Variants in ABHD14A observed in about 807,000 individuals in gnomAD.
The protein encoded by ABHD14A is abhydrolase domain containing 14A, also known as protein ABHD14A.
In ABHD14A, 19 loss-of-function variants were observed where a neutral mutation model predicts 27.0. That is an observed-to-expected ratio of 0.70 (90% confidence interval 0.49 to 1.03). The LOEUF (loss-of-function observed/expected upper bound fraction) is 1.03. ABHD14A is among the 50% of genes least tolerant of loss of function. The pLI is 0.00. For missense variants in ABHD14A, 311 were observed against 344.6 expected, an observed-to-expected ratio of 0.90 and a Z score of 0.77; for synonymous variants, 148 against 158.8, an observed-to-expected ratio of 0.93 and a Z score of 0.51.
Position 51,981,049 on chromosome 3 carries a change from T to A in ABHD14A, c.*31T>A. On this transcript the variant is annotated 3_prime_UTR_variant, in exon 5 of 5. Transcript: ENST00000273596. ...CCCACTCCCAGCTCCCAGCCTGGCATGAGCTTGGACAGTCTGGACCGCCAC... is the reference window on the plus strand; with the variant it reads ...CCCACTCCCAGCTCCCAGCCTGGCAAGAGCTTGGACAGTCTGGACCGCCAC... 1 of 1,597,512 alleles carries A rather than the reference T, an allele frequency of 6.3e-7. No homozygotes were observed. Among genetic ancestry groups the A allele is most frequent in the Non-Finnish European group, 8.6e-7 (1 of 1,166,918 alleles).
In ABHD14A at chr3:51,981,121, C is replaced by T; in HGVS notation, c.*103C>T. On this transcript the variant is annotated 3_prime_UTR_variant, in exon 5 of 5. Transcript: ENST00000273596. ...GCCTCTGGGATTGGAGGCCAGAGGCCAGGGTCAGACCCAGCCAGGACTCCT... is the reference window on the plus strand; with the variant it reads ...GCCTCTGGGATTGGAGGCCAGAGGCTAGGGTCAGACCCAGCCAGGACTCCT... 3 of 1,300,076 alleles carry T rather than the reference C, an allele frequency of 2.3e-6. No homozygotes were observed. The highest frequency in any genetic ancestry group is 3.2e-6 in the Non-Finnish European group (3 of 930,892). 80.5% of individuals were successfully genotyped at this position (1,300,076 alleles called of 1,614,324 possible). A position where few individuals can be genotyped will look rare whatever the true frequency, so the allele number is the denominator to read the frequency against.
chr3:51,978,094 T>C lies in ABHD14A; in HGVS notation c.281+12T>C, dbSNP rs1225247198. On this transcript the variant is annotated intron_variant, in intron 2 of 4. Coordinates refer to ENST00000273596, the MANE Select transcript of ABHD14A (RefSeq NM_015407.5). ...AACCAGGCACACAGGTAGGTGCTGC[T>C]CCAAGGGTCTAGTGGAGGGACTAGG... is the stretch of plus-strand genomic sequence containing the variant. 6.2e-7 allele frequency: 1 copy of C among 1,610,990 alleles called. No individual in the cohort carries two copies. The highest frequency in any genetic ancestry group is 2.2e-5 in the East Asian group (1 of 44,698).
intron 1 of ABHD14A, 73 bp downstream of exon 1, chr3:51,975,277 G>A (rs1396314903): frequency 1.6e-6 from 2 of 1,216,920 alleles, no homozygotes; most frequent in Non-Finnish European, 2.1e-6. Context: ...CCTTGCCCCG[G>A]CGCCCCGGGG....
At chr3:51,975,227 G>A in intron 1 of ABHD14A, 23 bp downstream of exon 1, 2 of 1,250,626 alleles carry the variant, frequency 1.6e-6, no homozygotes, top group Non-Finnish European at 2.0e-6. Flanking sequence ...GGGGAGGGAG[G>A]CCGGCCGGTG....
At chr3:51,980,318 T>C in intron 3 of ABHD14A, 75 bp from the exon 4 acceptor site, 1 of 1,411,612 alleles carries the variant, frequency 7.1e-7, no homozygotes, top group African/African-American at 1.4e-5. Context: ...CCCAACTTTT[T>C]CCCCCACTGT....
At chr3:51,976,653 C>A (rs1352410730) in intron 1 of ABHD14A, among the ~76,000 whole-genome samples, 1 of 152,078 alleles carries the variant, frequency 6.6e-6, no homozygotes, top group Non-Finnish European at 1.5e-5. Context: ...CTAGCCTGGG[C>A]GACAGAGCAA....
chr3:51,975,172 G>GGCGGGGC lies in ABHD14A; in HGVS notation c.38_44dup (p.Pro17GlyfsTer43), dbSNP rs1333799682. 5 of 1,280,562 alleles carry GGCGGGGC rather than the reference G, an allele frequency of 3.9e-6. No homozygotes were observed. The highest frequency in any genetic ancestry group is 4.9e-6 in the Non-Finnish European group (5 of 1,013,348). 79.3% of individuals were successfully genotyped at this position (1,280,562 alleles called of 1,614,324 possible). ...GCTGTGCGGCTGCTGGTTCCGCCTG[G>GGCGGGGC]GCGGGGCCCGCCCGCTCATCCCGTT... On this transcript the variant is annotated frameshift_variant, in exon 1 of 5. Transcript: ENST00000273596. LOFTEE classifies it high-confidence loss of function.
At chr3:51,980,080 G>A (rs112736596) in intron 3 of ABHD14A, among the ~76,000 whole-genome samples, 3,992 of 152,038 alleles carry the variant, frequency 0.026, 178 homozygotes, top group African/African-American at 0.089. Flanking sequence ...CCGCCACCTC[G>A]CCTGGCTAAT....
At chr3:51,978,489 A>T (rs914359378) in intron 3 of ABHD14A, 115 bp downstream of exon 3, 1 of 651,896 alleles carries the variant, frequency 1.5e-6, no homozygotes, top group Non-Finnish European at 2.5e-6. Flanking sequence ...ACCATGAAAA[A>T]GTCTGTGTTT....
chr3:51,978,136 G>C (rs1230031187), intron 2 of ABHD14A, 54 bp downstream of exon 2: 3 of 1,565,620 alleles, frequency 1.9e-6, no homozygotes, highest in African/African-American at 2.7e-5. Flanking sequence ...GGGAGTCCCT[G>C]TGTGGGACCC....
chr3:51,978,184 T>C, intron 2 of ABHD14A, 75 bp from the exon 3 acceptor site: 1 of 1,529,724 alleles, frequency 6.5e-7, no homozygotes, highest in Non-Finnish European at 8.9e-7. Flanking sequence ...GGGAGGGCAA[T>C]GGGAGAAGCC....
In ABHD14A at chr3:51,980,448, G is replaced by A. The variant is rs375269081; in HGVS notation, c.453G>A (p.Ala151=). 102 of 1,613,346 alleles carry A rather than the reference G, an allele frequency of 6.3e-5. No individual in the cohort carries two copies. Among genetic ancestry groups the A allele is most frequent in the Non-Finnish European group, 8.0e-5 (94 of 1,180,026 alleles). ...KEASTEAGRA[A]LLERALRDLE... Reference sequence around the variant, plus strand: ...CAAGCACAGAGGCAGGGCGGGCAGCGCTGCTGGAGCGGGCGCTGCGGGACC... The same window carrying A: ...CAAGCACAGAGGCAGGGCGGGCAGCACTGCTGGAGCGGGCGCTGCGGGACC... The change falls in exon 4 of 5, where the codon GCG becomes GCA. Residue 151 remains alanine (A), a synonymous_variant. Coordinates refer to ENST00000273596, the MANE Select transcript of ABHD14A (RefSeq NM_015407.5).
Position 51,975,167 on chromosome 3 carries a change from G to A in ABHD14A, c.32G>A (p.Arg11His), listed in dbSNP as rs767218637. The A allele has an allele frequency of 1.6e-6, 2 of 1,283,032 alleles. No individual in the cohort carries two copies. The highest frequency in any genetic ancestry group is 2.5e-5 in the South Asian group (1 of 40,452). 79.5% of individuals were successfully genotyped at this position (1,283,032 alleles called of 1,614,324 possible). The change falls in exon 1 of 5, where the codon CGC becomes CAC. Residue 11 changes from arginine to histidine, a missense_variant. Physicochemically the swap from Arg to His is conservative, Grantham distance 29. Coordinates refer to ENST00000273596, the MANE Select transcript of ABHD14A (RefSeq NM_015407.5). ...GGGGCGCTGTGCGGCTGCTGGTTCC[G>A]CCTGGGCGGGGCCCGCCCGCTCATC... is the stretch of plus-strand genomic sequence containing the variant. MVGALCGCWF[R>H]LGGARPLIPL...
At chr3:51,978,420 G>A in intron 3 of ABHD14A, 46 bp downstream of exon 3, 1 of 1,473,006 alleles carries the variant, frequency 6.8e-7, no homozygotes, top group Non-Finnish European at 9.3e-7. Context: ...AAGTGTGGCT[G>A]GGAGGCAACT....
chr3:51,975,172 G>C lies in ABHD14A; in HGVS notation c.37G>C (p.Gly13Arg), dbSNP rs943727778. Reference sequence around the variant, plus strand: ...GCTGTGCGGCTGCTGGTTCCGCCTGGGCGGGGCCCGCCCGCTCATCCCGTT... The same window carrying C: ...GCTGTGCGGCTGCTGGTTCCGCCTGCGCGGGGCCCGCCCGCTCATCCCGTT... ...GALCGCWFRL[G>R]GARPLIPLGP... Residue 13 changes from glycine to arginine, a missense_variant, in exon 1 of 5, where the codon GGC (glycine) becomes CGC (arginine). Gly to Arg is a moderately radical substitution (Grantham distance 125, BLOSUM62 -2). Transcript: ENST00000273596. 2 of 1,280,676 alleles carry C rather than the reference G, an allele frequency of 1.6e-6. No homozygotes were observed. The highest frequency in any genetic ancestry group is 2.0e-6 in the Non-Finnish European group (2 of 1,013,340). The allele number at this position is 1,280,676 out of a possible 1,614,324, so 79.3% of individuals were successfully genotyped here.
At chr3:51,977,759 A>G in intron 1 of ABHD14A, 112 bp from the exon 2 acceptor site, 1 of 1,028,370 alleles carries the variant, frequency 9.7e-7, no homozygotes, top group Non-Finnish European at 1.4e-6. Context: ...GGAAAGGGCA[A>G]GGGCTGGAGC....
At chr3:51,978,190 A>T (rs1479617723) in intron 2 of ABHD14A, 69 bp from the exon 3 acceptor site, 8 of 1,527,664 alleles carry the variant, frequency 5.2e-6, no homozygotes, top group Non-Finnish European at 7.1e-6. Flanking sequence ...GCAATGGGAG[A>T]AGCCTAGGAA....
chr3:51,978,802 G>GGCAT (rs1436425919), intron 3 of ABHD14A: 2 of 218,996 alleles, frequency 9.1e-6, no homozygotes, highest in African/African-American at 4.7e-5. Flanking sequence ...ATGCTGGCCA[G>GGCAT]GCTGGTCCTG....
chr3:51,980,882 G>T lies in ABHD14A; in HGVS notation c.680G>T (p.Arg227Leu). The change falls in exon 5 of 5, where the codon CGA (arginine) becomes CTA (leucine). Residue 227 changes from arginine to leucine, a missense_variant. By Grantham distance (102) the Arg-to-Leu change is moderately radical. Coordinates refer to ENST00000273596, the MANE Select transcript of ABHD14A (RefSeq NM_015407.5). ...LYGELDHILARESLRQLRHLP... is the reference protein window; with the variant it reads ...LYGELDHILALESLRQLRHLP... ...GGAGAGCTGGACCACATCCTGGCTCGAGAGTCACTGCGGCAGCTCCGCCAC... is the reference window on the plus strand; with the variant it reads ...GGAGAGCTGGACCACATCCTGGCTCTAGAGTCACTGCGGCAGCTCCGCCAC... 1 of 1,614,078 alleles carries T rather than the reference G, an allele frequency of 6.2e-7. No homozygotes were observed. Among genetic ancestry groups the T allele is most frequent in the East Asian group, 2.2e-5 (1 of 44,878 alleles).
Sources: allele counts gnomAD v4.1 joint callset (sites outside exome capture counted in the v4.1 genomes callset), GRCh38; gene constraint gnomAD v4.1.1; transcripts MANE v1.5; gene names NCBI Gene and HGNC (gene_info 2026-07-23, HGNC 2026-07-21).